SLC6A4: variants seen among roughly 807,000 people sequenced by gnomAD.
The protein encoded by SLC6A4 is solute carrier family 6 member 4.
Under a neutral mutation model 73.4 loss-of-function variants are expected in SLC6A4, and 22 were observed. The observed-to-expected ratio is 0.30, with a 90% CI of 0.21 to 0.43. The LOEUF (loss-of-function observed/expected upper bound fraction) is 0.43. Ranked by LOEUF, SLC6A4 falls within the 20% of genes least tolerant of loss-of-function variation. The probability of loss-of-function intolerance (pLI) is 1.00; values close to 1 mark genes in which losing one functional copy is unlikely to be tolerated. For missense variants in SLC6A4, 593 were observed against 808.5 expected, an observed-to-expected ratio of 0.73 and a Z score of 3.23; for synonymous variants, 270 against 315.5, an observed-to-expected ratio of 0.86 and a Z score of 1.53.
Position 30,222,067 on chromosome 17 carries a change from A to C in SLC6A4, c.-109T>G. 6.4e-7 allele frequency: 1 copy of C among 1,574,138 alleles called. No individual in the cohort carries two copies. Among genetic ancestry groups the C allele is most frequent in the Non-Finnish European group, 8.6e-7 (1 of 1,159,758 alleles). ...CGAGCTCTCTATCGTCGGGATTGACACGTCGGGATTGACTCTGTTGGAAAG... is the reference window on the plus strand; with the variant it reads ...CGAGCTCTCTATCGTCGGGATTGACCCGTCGGGATTGACTCTGTTGGAAAG... On this transcript the variant is annotated 5_prime_UTR_variant, in exon 3 of 15. Coordinates refer to ENST00000650711, the MANE Select transcript of SLC6A4 (RefSeq NM_001045.6).
rs755973197 is a variant in SLC6A4 at position 30,212,860 on chromosome 17, G to C, written c.1084C>G (p.Leu362Val). 3 of 1,613,938 alleles carry C rather than the reference G, an allele frequency of 1.9e-6. No homozygotes were observed. The highest frequency in any genetic ancestry group is 1.3e-5 in the African/African-American group (1 of 74,904). The change falls in exon 9 of 15, where the codon CTG becomes GTG. Residue 362 changes from leucine to valine, a missense_variant. Coordinates refer to ENST00000650711, the MANE Select transcript of SLC6A4 (RefSeq NM_001045.6). ...KFNNNCYQDA[L>V]VTSVVNCMTS... ...ATGCAGTTCACCACGCTGGTCACCA[G>C]GGCATCTCTGGAGGGGAAAACCCAA...
intron 10 of SLC6A4, among the ~76,000 whole-genome samples, chr17:30,210,890 A>G (rs1302450938): frequency 6.6e-6 from 1 of 152,138 alleles, no homozygotes; most frequent in Non-Finnish European, 1.5e-5. Flanking sequence ...GAACTTCAAT[A>G]TATGAGGTCT....
chr17:30,230,317 A>T (rs1176599244), intron 1 of SLC6A4, among the ~76,000 whole-genome samples: 2 of 152,158 alleles, frequency 1.3e-5, no homozygotes, highest in South Asian at 4.1e-4. Context: ...AAAACAGATG[A>T]TGTGTTAGAT....
chr17:30,223,270 G>A (rs1829098087), intron 1 of SLC6A4, among the ~76,000 whole-genome samples: 2 of 152,184 alleles, frequency 1.3e-5, no homozygotes, highest in African/African-American at 4.8e-5. Flanking sequence ...GACCCTTCTA[G>A]AAAAGATAGC....
intron 12 of SLC6A4, 46 bp from the exon 13 acceptor site, chr17:30,207,878 T>C (rs781669565): frequency 7.3e-7 from 1 of 1,376,154 alleles, no homozygotes; most frequent in Non-Finnish European, 1.0e-6. Flanking sequence ...AGAAAGGACA[T>C]GGGCTGTGCT....
In SLC6A4 at chr17:30,221,915, C is replaced by G; in HGVS notation, c.44G>C (p.Cys15Ser). Residue 15 changes from cysteine (C) to serine (S), a missense_variant, in exon 3 of 15, where the codon TGT becomes TCT. Physicochemically the swap from Cys to Ser is moderately radical, Grantham distance 112. Coordinates refer to ENST00000650711, the MANE Select transcript of SLC6A4 (RefSeq NM_001045.6). ...TTCCTGACAATCTTCTCCATCTTCA[C>G]ACGCTGATAGCTGCTTCTGAGAATT... ...PLNSQKQLSA[C>S]EDGEDCQENG... The G allele has an allele frequency of 6.2e-7, 1 of 1,614,194 alleles. No individual in the cohort carries two copies. The highest frequency in any genetic ancestry group is 1.1e-5 in the South Asian group (1 of 91,080).
chr17:30,216,835 T>C (rs1906589497), intron 6 of SLC6A4, among the ~76,000 whole-genome samples: 2 of 134,004 alleles, frequency 1.5e-5, no homozygotes, highest in South Asian at 5.2e-4. Context: ...CACCTGGCTA[T>C]TGTTTTTTTT....
At chr17:30,204,264 G>T (rs1906122643) in intron 13 of SLC6A4, 1 of 151,704 alleles carries the variant, frequency 6.6e-6, no homozygotes, top group Admixed American at 6.6e-5. Flanking sequence ...ACAGTAATGT[G>T]AATTATTTGT....
chr17:30,198,740 A>G (rs1265031160), intron 14 of SLC6A4, among the ~76,000 whole-genome samples: 1 of 152,236 alleles, frequency 6.6e-6, no homozygotes, highest in Non-Finnish European at 1.5e-5. Flanking sequence ...CAGAAACTAT[A>G]CACATCTGTA....
intron 3 of SLC6A4, among the ~76,000 whole-genome samples, chr17:30,220,083 G>T (rs1460652937): frequency 6.6e-6 from 1 of 152,254 alleles, no homozygotes; most frequent in Non-Finnish European, 1.5e-5. Context: ...GCTCCTCCTA[G>T]GCAGGAAGCG....
Position 30,216,130 on chromosome 17 carries a change from A to T in SLC6A4, c.924T>A (p.Gly308=). ...RGATLPGAWR[G]VLFYLKPNWQ... ...AATTGGGTTTCAAGTAGAAGAGAAC[A>T]CCCCTCCAGGCTCCAGGGAGGGTGG... is the stretch of plus-strand genomic sequence containing the variant. Residue 308 remains glycine, a synonymous_variant, in exon 7 of 15, where the codon GGT becomes GGA. Transcript: ENST00000650711. 1 of 1,612,448 alleles carries T rather than the reference A, an allele frequency of 6.2e-7. No homozygotes were observed. Among genetic ancestry groups the T allele is most frequent in the Non-Finnish European group, 8.5e-7 (1 of 1,179,272 alleles).
At chr17:30,213,759 ATTTT>A (rs869069508) in intron 8 of SLC6A4, among the ~76,000 whole-genome samples, 1 of 103,558 alleles carries the variant, frequency 9.7e-6, no homozygotes, top group Non-Finnish European at 2.2e-5. Flanking sequence ...TTATTTATTT[ATTTT>A]TGAGATAGGG....
intron 1 of SLC6A4, among the ~76,000 whole-genome samples, chr17:30,230,045 A>AAAGAAGAAGAAGAAGAAGAAGAAGAAG (rs1189804200): frequency 6.5e-4 from 72 of 111,142 alleles, no homozygotes; most frequent in East Asian, 3.3e-3. Flanking sequence ...GAAAAAGAAG[A>AAAGAAGAAGAAGAAGAAGAAGAAGAAG]AAGAAGAAGA....
Position 30,211,108 on chromosome 17 carries a change from G to A in SLC6A4, c.1317+204C>T, listed in dbSNP as rs145888742. The stretch of plus-strand genomic sequence containing the variant: ...GCCTTGGGCCTCATAAGCGCCTGGC[G>A]CTTGACCCACTTTATCCCATTAATG... On this transcript the variant is annotated intron_variant, in intron 10 of 14. Transcript: ENST00000650711. The surrounding 1 kb of genome is among the most constrained non-coding windows in gnomAD (Gnocchi z 4.0). Among the ~76,000 whole-genome samples, 14 of 152,292 alleles carry A rather than the reference G, an allele frequency of 9.2e-5. No individual in the cohort carries two copies. Among genetic ancestry groups the A allele is most frequent in the African/African-American group, 2.9e-4 (12 of 41,558 alleles).
intron 12 of SLC6A4, among the ~76,000 whole-genome samples, chr17:30,208,854 G>C (rs927191675): frequency 1.5e-5 from 2 of 133,280 alleles, no homozygotes; most frequent in Non-Finnish European, 3.2e-5. Flanking sequence ...ATCATGCCCG[G>C]CTAATTTTTT....
chr17:30,218,561 A>C (rs2143015156), intron 4 of SLC6A4, among the ~76,000 whole-genome samples: 1 of 152,354 alleles, frequency 6.6e-6, no homozygotes, highest in African/African-American at 2.4e-5. Flanking sequence ...AAATGTGTAC[A>C]TGTCCTGTTA....
At chr17:30,221,015 C>G (rs1015345076) in intron 3 of SLC6A4, among the ~76,000 whole-genome samples, 2 of 133,122 alleles carry the variant, frequency 1.5e-5, no homozygotes, top group Admixed American at 1.8e-4. Flanking sequence ...CTCGCTCTGT[C>G]GCCTAGGCTG....
chr17:30,212,220 C>G (rs563452280), intron 9 of SLC6A4, among the ~76,000 whole-genome samples: 3 of 152,266 alleles, frequency 2.0e-5, no homozygotes, highest in African/African-American at 7.2e-5. Context: ...CATCACAAGA[C>G]CATCACAGGA....
chr17:30,201,685 G>C (rs1906040515), intron 14 of SLC6A4, among the ~76,000 whole-genome samples: 2 of 152,172 alleles, frequency 1.3e-5, no homozygotes, highest in African/African-American at 2.4e-5. Flanking sequence ...GGCTCTTTAG[G>C]GGGAGTGCGG....
Sources: gnomAD v4.1 joint callset for allele counts (sites outside exome capture counted in the v4.1 genomes callset) on GRCh38, gnomAD v4.1.1 for gene constraint, Gnocchi (gnomAD v3.1) non-coding constraint, MANE v1.5 for transcripts, NCBI Gene and HGNC (gene_info 2026-07-23, HGNC 2026-07-21) for gene names.